Variants in OR2J3 observed in about 807,000 individuals in gnomAD.
OR2J3 encodes olfactory receptor 2J3.
In OR2J3, 13 loss-of-function variants were observed where a neutral mutation model predicts 18.5. That is an observed-to-expected ratio of 0.70 (90% CI 0.46 to 1.12). OR2J3 has a LOEUF of 1.12. Among genes scored for constraint, OR2J3 ranks in the 50% most tolerant of loss-of-function variants. The pLI is 0.00. For synonymous variants in OR2J3, 142 were observed against 140.6 expected, an observed-to-expected ratio of 1.01 and a Z score of -0.07; for missense variants, 321 against 371.6, an observed-to-expected ratio of 0.86 and a Z score of 1.12.
intron 3 of OR2J3, among the ~76,000 whole-genome samples, chr6:29,111,397 G>A (rs1762120108): frequency 6.6e-6 from 1 of 152,134 alleles, no homozygotes; most frequent in Non-Finnish European, 1.5e-5. Flanking sequence ...GTTGGTTTGT[G>A]CAAATACAGT....
At chr6:29,110,223 G>A (rs1475332247) in intron 3 of OR2J3, among the ~76,000 whole-genome samples, 6 of 151,962 alleles carry the variant, frequency 3.9e-5, no homozygotes, top group African/African-American at 1.5e-4. Flanking sequence ...AGCTTAGTTC[G>A]TATCATGAAT....
rs1007345397 is a variant in OR2J3, at chr6:29,112,105, T to C, written c.215T>C (p.Leu72Pro). 1.2e-6 allele frequency: 2 copies of C among 1,614,148 alleles called. No individual in the cohort carries two copies. Among genetic ancestry groups the C allele is most frequent in the Non-Finnish European group, 8.5e-7 (1 of 1,180,036 alleles). The change falls in exon 4 of 4, where the codon CTG becomes CCG. Residue 72 changes from leucine to proline, a missense_variant. Leu to Pro is a moderately conservative substitution (Grantham distance 98, BLOSUM62 -3). Coordinates refer to ENST00000641151, the MANE Select transcript of OR2J3 (RefSeq NM_001005216.4). ...TTCTTCCTTTCAAACCTCTCATTTC[T>C]GGATCTCTGCTACACCACCAGCTCT... ...MYFFLSNLSF[L>P]DLCYTTSSIP...
rs1264042794 is a variant in OR2J3, at chr6:29,114,344, TAAAG to T, written c.*1521_*1524del. 2 of 152,108 alleles carry T rather than the reference TAAAG, an allele frequency of 1.3e-5. No homozygotes were observed. The highest frequency in any genetic ancestry group is 2.4e-5 in the African/African-American group (1 of 41,422). 9.4% of individuals were successfully genotyped at this position (152,108 alleles called of 1,614,324 possible). The stretch of plus-strand genomic sequence containing the variant: ...ACATAAAAACACATTTTTAAAAACT[TAAAG>T]AACATAACTTCGCCCTTTGAACTGT... On this transcript the variant is annotated 3_prime_UTR_variant, in exon 4 of 4. Transcript: ENST00000641151.
intron 3 of OR2J3, among the ~76,000 whole-genome samples, chr6:29,111,192 A>C (rs1260461534): frequency 6.6e-6 from 1 of 152,208 alleles, no homozygotes; most frequent in African/African-American, 2.4e-5. Context: ...CATCTGGACC[A>C]GTTCCTCACC....
At position 29,112,238 on chromosome 6, in the gene OR2J3, C is replaced by G. The variant is rs754850706; in HGVS notation, c.348C>G (p.Val116=). 1 of 1,613,972 alleles carries G rather than the reference C, an allele frequency of 6.2e-7. No individual in the cohort carries two copies. Among genetic ancestry groups the G allele is most frequent in the African/African-American group, 1.3e-5 (1 of 74,898 alleles). Residue 116 remains valine (V), a synonymous_variant, in exon 4 of 4, where the codon GTC becomes GTG. Transcript: ENST00000641151. ...TCGCACTGGGAACCACAGAGTGTGT[C>G]CTACTGGTGGTGATGTCCTATGACC... ...FVLALGTTEC[V]LLVVMSYDRY...
rs555681228 is a variant in OR2J3 at position 29,114,267 on chromosome 6, T to A, written c.*1441T>A. Reference sequence around the variant, plus strand: ...CCAAGAAGTGAAGAACCAAGAATAATGTATGTAAAATGACTTTTAGCAAGA... The same window carrying A: ...CCAAGAAGTGAAGAACCAAGAATAAAGTATGTAAAATGACTTTTAGCAAGA... On this transcript the variant is annotated 3_prime_UTR_variant, in exon 4 of 4. Coordinates refer to ENST00000641151, the MANE Select transcript of OR2J3 (RefSeq NM_001005216.4). The A allele has an allele frequency of 6.6e-6, 1 of 152,254 alleles. No individual in the cohort carries two copies. Among genetic ancestry groups the A allele is most frequent in the African/African-American group, 2.4e-5 (1 of 41,558 alleles). The allele number at this position is 152,254 out of a possible 1,614,324, so 9.4% of individuals were successfully genotyped here.
In OR2J3 at chr6:29,113,626, TAGAG is replaced by T. The variant is rs756399248; in HGVS notation, c.*803_*806del. 8 of 152,190 alleles carry T rather than the reference TAGAG, an allele frequency of 5.3e-5. No individual in the cohort carries two copies. The highest frequency in any genetic ancestry group is 2.1e-4 in the South Asian group (1 of 4,822). The allele number at this position is 152,190 out of a possible 1,614,324, so 9.4% of individuals were successfully genotyped here. ...AACTAAGGAAAACATTTGAGGCAAA[TAGAG>T]AGGCTCTGAAAATGACTTGAAGCCA... On this transcript the variant is annotated 3_prime_UTR_variant, in exon 4 of 4. Transcript: ENST00000641151.
Position 29,112,788 on chromosome 6 carries a change from G to A in OR2J3, c.898G>A (p.Val300Ile). The change falls in exon 4 of 4, where the codon GTA becomes ATA. Residue 300 changes from valine (V) to isoleucine (I), a missense_variant. By Grantham distance (29) the Val-to-Ile change is conservative (BLOSUM62 3). Transcript: ENST00000641151. ...AATCTACACCCTCAGAAACAAAGTT[G>A]TAAGAGGGGCAGTGAAGAGACTAAT... ...PLIYTLRNKV[V>I]RGAVKRLMGW... 1 of 1,613,594 alleles carries A rather than the reference G, an allele frequency of 6.2e-7. No homozygotes were observed. The highest frequency in any genetic ancestry group is 2.2e-5 in the East Asian group (1 of 44,870).
At position 29,111,992 on chromosome 6, in the gene OR2J3, C is replaced by T; in HGVS notation, c.102C>T (p.Val34=). 6.2e-7 allele frequency: 1 copy of T among 1,613,966 alleles called. No individual in the cohort carries two copies. Among genetic ancestry groups the T allele is most frequent in the Non-Finnish European group, 8.5e-7 (1 of 1,179,992 alleles). Residue 34 remains valine (V), a synonymous_variant, in exon 4 of 4, where the codon GTC becomes GTT. Transcript: ENST00000641151. ...PHLEVVIFVV[V]LIFYLMTLIG... is the part of the protein sequence containing the mutation. ...TGGAAGTAGTTATCTTTGTGGTTGT[C>T]TTGATCTTCTACTTGATGACACTGA... is the stretch of plus-strand genomic sequence containing the variant.
At position 29,113,559 on chromosome 6, in the gene OR2J3, C is replaced by T. The variant is rs933228838; in HGVS notation, c.*733C>T. 1 of 152,104 alleles carries T rather than the reference C, an allele frequency of 6.6e-6. No homozygotes were observed. The highest frequency in any genetic ancestry group is 2.4e-5 in the African/African-American group (1 of 41,404). 9.4% of individuals were successfully genotyped at this position (152,104 alleles called of 1,614,324 possible). The stretch of plus-strand genomic sequence containing the variant: ...AAATGGTCATCATAGGCTAGGTATA[C>T]TTAGGTGAGGTAAGTGCTTGGAGCA... On this transcript the variant is annotated 3_prime_UTR_variant, in exon 4 of 4. Transcript: ENST00000641151.
intron 3 of OR2J3, among the ~76,000 whole-genome samples, chr6:29,109,194 A>T (rs192838333): frequency 6.6e-6 from 1 of 152,200 alleles, no homozygotes; most frequent in Admixed American, 6.5e-5. Context: ...TTCATGATTT[A>T]CTCTTTGACT....
intron 3 of OR2J3, 139 bp downstream of exon 3, chr6:29,109,014 G>A (rs1457458228): frequency 6.6e-6 from 1 of 152,042 alleles, no homozygotes; most frequent in East Asian, 1.9e-4. Context: ...AAATTATCGA[G>A]GCAACTGTAC....
chr6:29,110,843 CTATCTATCTATT>C (rs947875630), intron 3 of OR2J3, among the ~76,000 whole-genome samples: 7 of 137,574 alleles, frequency 5.1e-5, no homozygotes, highest in East Asian at 2.2e-4. Context: ...CATCTATCAA[CTATCTATCTATT>C]TATCTATCTA....
In OR2J3 at chr6:29,113,059, A is replaced by G. The variant is rs920452137; in HGVS notation, c.*233A>G. 7.6e-5 allele frequency: 40 copies of G among 524,564 alleles called. 1 individual carries two copies. Among genetic ancestry groups the G allele is most frequent in the Non-Finnish European group, 1.2e-4 (37 of 301,424 alleles). 32.5% of individuals were successfully genotyped at this position (524,564 alleles called of 1,614,324 possible). On this transcript the variant is annotated 3_prime_UTR_variant, in exon 4 of 4. Coordinates refer to ENST00000641151, the MANE Select transcript of OR2J3 (RefSeq NM_001005216.4). ...TGTAAAATCAAGATAAAACATCTAT[A>G]GTGATGTTTTTCCATGGTACAAACC... is the stretch of plus-strand genomic sequence containing the variant.
Position 29,112,138 on chromosome 6 carries a change from A to C in OR2J3, c.248A>C (p.Gln83Pro), listed in dbSNP as rs370046230. Reference protein sequence around the residue: ...DLCYTTSSIPQLLVNLWGPEK... With the variant: ...DLCYTTSSIPPLLVNLWGPEK... ...TGCTACACCACCAGCTCTATCCCTC[A>C]GTTGCTGGTCAATCTCTGGGGCCCG... The change falls in exon 4 of 4, where the codon CAG becomes CCG. Residue 83 changes from glutamine to proline, a missense_variant. Transcript: ENST00000641151. 100 of 1,614,044 alleles carry C rather than the reference A, an allele frequency of 6.2e-5. No individual in the cohort carries two copies. In the African/African-American group the frequency reaches 8.7e-4, roughly 14 times the overall value.
chr6:29,112,944 G>T lies in OR2J3; in HGVS notation c.*118G>T. On this transcript the variant is annotated 3_prime_UTR_variant, in exon 4 of 4. Transcript: ENST00000641151. The stretch of plus-strand genomic sequence containing the variant: ...CACTCTGTTAGCACTTGCTGAGCAT[G>T]TACTCTAACAAGGTCGTGGAGTTCC... The T allele has an allele frequency of 7.8e-7, 1 of 1,276,266 alleles. No homozygotes were observed. Among genetic ancestry groups the T allele is most frequent in the Non-Finnish European group, 1.1e-6 (1 of 950,362 alleles). The allele number at this position is 1,276,266 out of a possible 1,614,324, so 79.1% of individuals were successfully genotyped here. A position where few individuals can be genotyped will look rare whatever the true frequency, so the allele number is the denominator to read the frequency against.
In OR2J3 at chr6:29,112,968, C is replaced by A; in HGVS notation, c.*142C>A. The A allele has an allele frequency of 1.0e-6, 1 of 995,288 alleles. No individual in the cohort carries two copies. The highest frequency in any genetic ancestry group is 1.4e-6 in the Non-Finnish European group (1 of 699,468). 61.7% of individuals were successfully genotyped at this position (995,288 alleles called of 1,614,324 possible). On this transcript the variant is annotated 3_prime_UTR_variant, in exon 4 of 4. Transcript: ENST00000641151. ...TGTACTCTAACAAGGTCGTGGAGTT[C>A]CTGGTAACAGGTAGGAATAAAACAC...
rs1762268737 is a variant in OR2J3, at chr6:29,114,736, A to G, written c.*1910A>G. 6.6e-6 allele frequency: 1 copy of G among 151,416 alleles called. No individual in the cohort carries two copies. The highest frequency in any genetic ancestry group is 6.6e-5 in the Admixed American group (1 of 15,202). The allele number at this position is 151,416 out of a possible 1,614,324, so 9.4% of individuals were successfully genotyped here. A position where few individuals can be genotyped will look rare whatever the true frequency, so the allele number is the denominator to read the frequency against. On this transcript the variant is annotated 3_prime_UTR_variant, in exon 4 of 4. Transcript: ENST00000641151. ...TGTACCCTTTGACCAATATCTCCCC[A>G]TTTTCCCTATTTCTCTCCACTGCTA...
rs1286907277 is a variant in OR2J3, at chr6:29,113,488, A to C, written c.*662A>C. ...TTTTGCAAGGCAGTGAGAAATATAT[A>C]GGAAGTAAAAGGAGCTGGTAAAGCT... On this transcript the variant is annotated 3_prime_UTR_variant, in exon 4 of 4. Transcript: ENST00000641151. 6.6e-6 allele frequency: 1 copy of C among 152,268 alleles called. No individual in the cohort carries two copies. The highest frequency in any genetic ancestry group is 2.4e-5 in the African/African-American group (1 of 41,454). 9.4% of individuals were successfully genotyped at this position (152,268 alleles called of 1,614,324 possible). A position where few individuals can be genotyped will look rare whatever the true frequency, so the allele number is the denominator to read the frequency against.
Sources: allele counts gnomAD v4.1 joint callset (sites outside exome capture counted in the v4.1 genomes callset), GRCh38; gene constraint gnomAD v4.1.1; transcripts MANE v1.5; gene names NCBI Gene and HGNC (gene_info 2026-07-23, HGNC 2026-07-21).